The following NEK6 variants were observed in gnomAD, a reference collection of about 807,000 sequenced individuals.
The protein encoded by NEK6 is serine/threonine-protein kinase Nek6.
A neutral mutation model predicts 43.5 loss-of-function variants in NEK6; 27 were observed. The ratio of observed to expected loss-of-function variants is 0.62; its 90% confidence interval spans 0.46 to 0.86. NEK6 has a LOEUF of 0.86. Among genes scored for constraint, NEK6 ranks in the 40% least tolerant of loss-of-function variants. The probability of loss-of-function intolerance (pLI) is 0.00; values close to 1 mark genes in which losing one functional copy is unlikely to be tolerated. For synonymous variants in NEK6, 167 were observed against 164.1 expected, an observed-to-expected ratio of 1.02 and a Z score of -0.14; for missense variants, 318 against 414.4, an observed-to-expected ratio of 0.77 and a Z score of 2.02.
intron 4 of NEK6, among the ~76,000 whole-genome samples, chr9:124,318,027 T>G (rs548596360): frequency 1.9e-4 from 29 of 152,322 alleles, no homozygotes; most frequent in Middle Eastern, 6.8e-3. Flanking sequence ...TATATTCCTT[T>G]GGGTATATAC....
chr9:124,279,581 G>A (rs1564618843), intron 1 of NEK6, among the ~76,000 whole-genome samples: 2 of 152,174 alleles, frequency 1.3e-5, no homozygotes, highest in Admixed American at 6.5e-5. Flanking sequence ...GGGATTACAT[G>A]CGTGAGCCAC....
intron 8 of NEK6, among the ~76,000 whole-genome samples, chr9:124,345,271 G>A (rs1024843076): frequency 2.0e-5 from 3 of 152,222 alleles, no homozygotes; most frequent in Admixed American, 1.3e-4. Context: ...AGATCTCGCC[G>A]TCCAGGGTAA....
intron 1 of NEK6, among the ~76,000 whole-genome samples, chr9:124,281,018 T>C (rs2118983909): frequency 6.6e-6 from 1 of 152,298 alleles, no homozygotes; most frequent in East Asian, 1.9e-4. Flanking sequence ...CTCGAACTCC[T>C]GACCTCAGGT....
At chr9:124,294,708 A>G (rs969587976) in intron 1 of NEK6, among the ~76,000 whole-genome samples, 65 of 152,152 alleles carry the variant, frequency 4.3e-4, no homozygotes, top group Admixed American at 5.2e-4. Context: ...GGGCAAATGC[A>G]TGAGGGCAGG....
At chr9:124,338,570 A>C (rs1347039662) in intron 7 of NEK6, among the ~76,000 whole-genome samples, 1 of 152,202 alleles carries the variant, frequency 6.6e-6, no homozygotes, top group Non-Finnish European at 1.5e-5. Flanking sequence ...TTAATGCCTT[A>C]CACACGTTTC....
intron 7 of NEK6, among the ~76,000 whole-genome samples, chr9:124,328,182 C>T (rs1026522652): frequency 6.6e-6 from 1 of 152,162 alleles, no homozygotes; most frequent in Admixed American, 6.5e-5. Flanking sequence ...TATCCACACA[C>T]TGGGTATGTA....
intron 1 of NEK6, chr9:124,292,494 A>G (rs1031931755): frequency 5.2e-6 from 8 of 1,536,904 alleles, no homozygotes; most frequent in African/African-American, 4.1e-5. Context: ...CTTTCCCTGC[A>G]TGGAGGCCAC....
intron 2 of NEK6, among the ~76,000 whole-genome samples, chr9:124,309,978 G>A (rs1049339903): frequency 6.6e-6 from 1 of 152,196 alleles, no homozygotes; most frequent in African/African-American, 2.4e-5. Flanking sequence ...GGGTCCTGGG[G>A]CGGGGCCTGG....
Position 124,326,202 on chromosome 9 carries a change from T to TA in NEK6, c.406-128_406-127insA. 8.1e-6 allele frequency: 1 copy of TA among 124,052 alleles called. No homozygotes were observed. Among genetic ancestry groups the TA allele is most frequent in the Non-Finnish European group, 2.0e-5 (1 of 50,618 alleles). The allele number at this position is 124,052 out of a possible 1,614,324, so 7.7% of individuals were successfully genotyped here. ...GCTTATTGTTTGCTCAGTGGCTCAA[T>TA]CCCCCCCCCCCGCCCCTGCCAGGCA... On this transcript the variant is annotated intron_variant, in intron 5 of 9. Coordinates refer to ENST00000320246, the MANE Select transcript of NEK6 (RefSeq NM_014397.6). This position sits in a 1 kb window ranked among gnomAD's most constrained non-coding sequence, Gnocchi z 4.5.
In NEK6 at chr9:124,352,318, G is replaced by A. The variant is rs902241512; in HGVS notation, c.*1371G>A. ...GGCTGCTGTTTCCACACGTGGACTCGGATCTGCTGTGACACCGTCAGCCCG... is the reference window on the plus strand; with the variant it reads ...GGCTGCTGTTTCCACACGTGGACTCAGATCTGCTGTGACACCGTCAGCCCG... On this transcript the variant is annotated 3_prime_UTR_variant, in exon 10 of 10. Coordinates refer to ENST00000320246, the MANE Select transcript of NEK6 (RefSeq NM_014397.6). The A allele has an allele frequency of 6.6e-6, 1 of 152,174 alleles. No individual in the cohort carries two copies. Among genetic ancestry groups the A allele is most frequent in the Non-Finnish European group, 1.5e-5 (1 of 68,028 alleles). The allele number at this position is 152,174 out of a possible 1,614,324, so 9.4% of individuals were successfully genotyped here.
At chr9:124,273,094 C>T (rs969787843) in intron 1 of NEK6, among the ~76,000 whole-genome samples, 5 of 152,146 alleles carry the variant, frequency 3.3e-5, no homozygotes, top group Admixed American at 3.3e-4. Flanking sequence ...TGACCATTTC[C>T]GCGTGAGCCA....
At chr9:124,302,572 A>T (rs1588483018) in intron 2 of NEK6, among the ~76,000 whole-genome samples, 1 of 152,220 alleles carries the variant, frequency 6.6e-6, no homozygotes, top group East Asian at 1.9e-4. Context: ...CTCTCTAGAT[A>T]CCTTGGAGAG....
intron 7 of NEK6, among the ~76,000 whole-genome samples, chr9:124,337,396 T>C (rs1056143940): frequency 1.6e-4 from 25 of 152,224 alleles, no homozygotes; most frequent in Non-Finnish European, 4.4e-5. Flanking sequence ...TTTTTCCTCA[T>C]TCACTTTTTA....
At chr9:124,347,299 G>T (rs7871962) in intron 8 of NEK6, among the ~76,000 whole-genome samples, 4,900 of 152,280 alleles carry the variant, frequency 0.032, 278 homozygotes, top group African/African-American at 0.11. Flanking sequence ...CTCTGAACAT[G>T]TGGGGCACAG....
At chr9:124,295,657 G>A (rs1013532247) in intron 1 of NEK6, among the ~76,000 whole-genome samples, 1 of 152,154 alleles carries the variant, frequency 6.6e-6, no homozygotes, top group African/African-American at 2.4e-5. Flanking sequence ...CCGTCTAGGG[G>A]TCTGTAAGTG....
intron 1 of NEK6, chr9:124,259,173 T>C (rs1830926792): frequency 6.6e-6 from 1 of 152,256 alleles, no homozygotes; most frequent in Non-Finnish European, 1.5e-5. Context: ...GTGCGTGCTC[T>C]CTAACTGTTG....
chr9:124,323,425 T>C (rs1465106821), intron 5 of NEK6, among the ~76,000 whole-genome samples: 1 of 152,134 alleles, frequency 6.6e-6, no homozygotes, highest in Admixed American at 6.5e-5. Flanking sequence ...TTCATGGCGG[T>C]GAACAAACGT....
chr9:124,341,124 C>A (rs1476769805), intron 8 of NEK6, among the ~76,000 whole-genome samples: 2 of 152,138 alleles, frequency 1.3e-5, no homozygotes, highest in African/African-American at 4.8e-5. Flanking sequence ...CTCACTGCGG[C>A]CTCCACCTCC....
chr9:124,279,503 A>G (rs567522487), intron 1 of NEK6, among the ~76,000 whole-genome samples: 1 of 152,128 alleles, frequency 6.6e-6, no homozygotes, highest in African/African-American at 2.4e-5. Flanking sequence ...GGGTTTCACC[A>G]TGTTGGCCAG....
Sources: allele counts gnomAD v4.1 joint callset (sites outside exome capture counted in the v4.1 genomes callset), GRCh38; gene constraint gnomAD v4.1.1; non-coding constraint Gnocchi (gnomAD v3.1); transcripts MANE v1.5; gene names NCBI Gene and HGNC (gene_info 2026-07-23, HGNC 2026-07-21).